ZFHX3: variants seen among roughly 807,000 people sequenced by gnomAD.
The protein encoded by ZFHX3 is zinc finger homeobox 3.
Under a neutral mutation model 279.1 loss-of-function variants are expected in ZFHX3, and 42 were observed. The observed-to-expected ratio is 0.15, with a 90% CI of 0.12 to 0.19. ZFHX3 has a LOEUF of 0.19. Ranked by LOEUF, ZFHX3 falls within the 10% of genes least tolerant of loss-of-function variation. The pLI is 1.00. For synonymous variants in ZFHX3, 2,293 were observed against 1,957.8 expected (o/e 1.17, Z -4.52); for missense variants, 4,981 against 4,754.0 (o/e 1.05, Z -1.40).
At chr16:72,815,579 G>A (rs971858938) in intron 5 of ZFHX3, among the ~76,000 whole-genome samples, 2 of 152,118 alleles carry the variant, frequency 1.3e-5, no homozygotes, top group African/African-American at 2.4e-5. Context: ...AGCATACATC[G>A]TGGGCATAAG....
chr16:73,538,782 C>G (rs750599075), intron 2 of ZFHX3, among the ~76,000 whole-genome samples: 1 of 152,300 alleles, frequency 6.6e-6, no homozygotes, highest in African/African-American at 2.4e-5. Context: ...GATAGATCTG[C>G]GCTCCTTAGT....
chr16:73,204,102 T>C (rs980099120), intron 5 of ZFHX3, among the ~76,000 whole-genome samples: 10 of 151,996 alleles, frequency 6.6e-5, no homozygotes, highest in African/African-American at 2.2e-4. Flanking sequence ...GAAAGACAAT[T>C]GAGGTGGTTT....
At chr16:73,277,106 C>T (rs980467617) in intron 4 of ZFHX3, among the ~76,000 whole-genome samples, 10 of 152,136 alleles carry the variant, frequency 6.6e-5, no homozygotes, top group African/African-American at 2.4e-4. Flanking sequence ...GTGATTCTGC[C>T]TCACACTTTA....
At chr16:73,675,463 G>A (rs1235411521) in intron 2 of ZFHX3, among the ~76,000 whole-genome samples, 1 of 151,914 alleles carries the variant, frequency 6.6e-6, no homozygotes, top group Non-Finnish European at 1.5e-5. Context: ...ATTACAAATG[G>A]ATTTACTGAG....
chr16:73,866,096 G>A (rs867421126), intron 1 of ZFHX3, among the ~76,000 whole-genome samples: 5 of 151,514 alleles, frequency 3.3e-5, no homozygotes, highest in South Asian at 2.1e-4. Flanking sequence ...TCAATCTCCC[G>A]GGCTCAGGCA....
intron 1 of ZFHX3, among the ~76,000 whole-genome samples, chr16:73,804,261 T>C (rs1204767482): frequency 6.6e-6 from 1 of 152,198 alleles, no homozygotes; most frequent in Non-Finnish European, 1.5e-5. Context: ...TAATTATATA[T>C]TATTTCGCTT....
chr16:73,627,692 G>A (rs2052431324), intron 2 of ZFHX3, among the ~76,000 whole-genome samples: 1 of 152,212 alleles, frequency 6.6e-6, no homozygotes, highest in African/African-American at 2.4e-5. Context: ...GCCGAGGCAG[G>A]TGGATCACGA....
chr16:73,775,031 C>T (rs2054061159), intron 1 of ZFHX3, among the ~76,000 whole-genome samples: 1 of 149,490 alleles, frequency 6.7e-6, no homozygotes, highest in African/African-American at 2.4e-5. Flanking sequence ...TAGTACCCTG[C>T]TTCCATCCCC....
chr16:73,577,850 T>C (rs1261831489), intron 2 of ZFHX3, among the ~76,000 whole-genome samples: 3 of 152,168 alleles, frequency 2.0e-5, no homozygotes, highest in Non-Finnish European at 2.9e-5. Flanking sequence ...GCAAAATCAT[T>C]TGTATGGAAG....
At chr16:73,631,925 T>A (rs867834550) in intron 2 of ZFHX3, among the ~76,000 whole-genome samples, 2,443 of 90,616 alleles carry the variant, frequency 0.027, 69 homozygotes, top group African/African-American at 0.078. Context: ...TCTCTCTCTC[T>A]CTCACACACA....
At chr16:72,898,778 C>T (rs963346839) in intron 3 of ZFHX3, among the ~76,000 whole-genome samples, 1 of 148,622 alleles carries the variant, frequency 6.7e-6, no homozygotes, top group Non-Finnish European at 1.5e-5. Flanking sequence ...TGTGTAGGTG[C>T]TTCGCCCATA....
At chr16:73,013,669 T>C (rs187816867) in intron 1 of ZFHX3, among the ~76,000 whole-genome samples, 1 of 152,288 alleles carries the variant, frequency 6.6e-6, no homozygotes, top group Admixed American at 6.5e-5. Context: ...TTTCACAAAA[T>C]AATGTCACAT....
intron 5 of ZFHX3, among the ~76,000 whole-genome samples, chr16:73,222,155 G>C (rs2012442474): frequency 6.6e-6 from 1 of 151,940 alleles, no homozygotes; most frequent in Non-Finnish European, 1.5e-5. Context: ...ATTTCCTAAA[G>C]ATGAGTAAGA....
At chr16:73,182,644 G>A (rs1967823017) in intron 5 of ZFHX3, among the ~76,000 whole-genome samples, 1 of 152,188 alleles carries the variant, frequency 6.6e-6, no homozygotes, top group African/African-American at 2.4e-5. Flanking sequence ...CAACTTAAGT[G>A]TTATCCAATG....
At chr16:73,785,037 T>C (rs1471744992) in intron 1 of ZFHX3, among the ~76,000 whole-genome samples, 3 of 152,106 alleles carry the variant, frequency 2.0e-5, no homozygotes, top group Non-Finnish European at 2.9e-5. Context: ...TCTTAAAATA[T>C]TGTTTGATTT....
At chr16:73,396,214 A>C (rs140842020) in intron 3 of ZFHX3, among the ~76,000 whole-genome samples, 1 of 152,228 alleles carries the variant, frequency 6.6e-6, no homozygotes, top group South Asian at 2.1e-4. Context: ...TGATGGGAAG[A>C]GGCTTATGCG....
intron 3 of ZFHX3, among the ~76,000 whole-genome samples, chr16:72,924,284 G>A (rs1487952712): frequency 2.0e-5 from 3 of 152,160 alleles, no homozygotes; most frequent in African/African-American, 4.8e-5. Flanking sequence ...CTGTTAAACA[G>A]GGCAGCTCTG....
At chr16:73,647,450 A>G (rs2052630078) in intron 2 of ZFHX3, among the ~76,000 whole-genome samples, 1 of 152,148 alleles carries the variant, frequency 6.6e-6, no homozygotes, top group Non-Finnish European at 1.5e-5. Context: ...ATGGTTTAAA[A>G]GTATGCGGCA....
intron 3 of ZFHX3, among the ~76,000 whole-genome samples, chr16:72,924,180 A>C (rs1959312716): frequency 6.6e-6 from 1 of 152,166 alleles, no homozygotes; most frequent in African/African-American, 2.4e-5. Flanking sequence ...ACATAAAACA[A>C]TTCACTTTGT....
Sources: gnomAD v4.1 joint callset for allele counts (sites outside exome capture counted in the v4.1 genomes callset) on GRCh38, gnomAD v4.1.1 for gene constraint, MANE v1.5 for transcripts, NCBI Gene and HGNC (gene_info 2026-07-23, HGNC 2026-07-21) for gene names.